Variants in LINGO1 observed in about 807,000 individuals in gnomAD.
LINGO1 encodes leucine rich repeat and Ig domain containing 1, also known as leucine-rich repeat and immunoglobulin-like domain-containing nogo receptor-interacting protein 1.
LINGO1 carries 11 observed loss-of-function variants against 37.3 expected under a neutral mutation model. The ratio of observed to expected loss-of-function variants is 0.29; its 90% confidence interval spans 0.19 to 0.49. The LOEUF (loss-of-function observed/expected upper bound fraction) is 0.49, where lower values mean the gene tolerates loss of function less well. Among genes scored for constraint, LINGO1 ranks in the 20% least tolerant of loss-of-function variants. LINGO1 has a pLI of 0.99. For missense variants in LINGO1, 585 were observed against 878.2 expected (o/e 0.67, Z 4.22); for synonymous variants, 387 against 403.0 (o/e 0.96, Z 0.48).
chr15:77,780,774 C>T (rs908419625), intron 1 of LINGO1, among the ~76,000 whole-genome samples: 2 of 151,616 alleles, frequency 1.3e-5, no homozygotes, highest in Admixed American at 1.3e-4. Flanking sequence ...TGCTCTCCTC[C>T]CCCCACCCCC....
At chr15:77,699,385 G>A (rs1055863275), upstream of LINGO1, among the ~76,000 whole-genome samples, 29 of 67,260 alleles carry the variant, frequency 4.3e-4, no homozygotes, top group African/African-American at 1.6e-3. Context: ...CACACAATAA[G>A]CACATACTAA....
chr15:77,689,383 C>T (rs1464379013), intron 2 of LINGO1, among the ~76,000 whole-genome samples: 2 of 152,224 alleles, frequency 1.3e-5, no homozygotes, highest in Non-Finnish European at 2.9e-5. Context: ...CCTCCCTGCG[C>T]TAAAGGGTAG....
chr15:77,643,373 C>T (rs1480242333), intron 3 of LINGO1, among the ~76,000 whole-genome samples: 12 of 152,142 alleles, frequency 7.9e-5, no homozygotes, highest in Admixed American at 2.0e-4. Context: ...TAGGGAGGTC[C>T]GCAGTGGGAA....
Position 77,661,827 on chromosome 15 carries a change from C to T in LINGO1, c.-13+15262G>A, listed in dbSNP as rs561044117. 3.9e-5 allele frequency among the ~76,000 whole-genome samples: 6 copies of T among 152,346 alleles called. No homozygotes were observed. The South Asian group carries it at 1.2e-3, about 32-fold the overall frequency. On this transcript the variant is annotated intron_variant, in intron 3 of 3. Coordinates refer to the LINGO1 transcript ENST00000559893. ...AGGCCAGCCCTCTACCTTTGCTGGGCCTCAGTTTCCCTGTGTGGACAAGGG... is the reference window on the plus strand; with the variant it reads ...AGGCCAGCCCTCTACCTTTGCTGGGTCTCAGTTTCCCTGTGTGGACAAGGG...
At chr15:77,730,790 C>T (rs775674271) in intron 2 of LINGO1, among the ~76,000 whole-genome samples, 1 of 152,244 alleles carries the variant, frequency 6.6e-6, no homozygotes, top group Non-Finnish European at 1.5e-5. Flanking sequence ...GACTTGCAGG[C>T]AGGTTAGACT....
intron 2 of LINGO1, among the ~76,000 whole-genome samples, chr15:77,727,656 C>T (rs189045211): frequency 1.5e-4 from 23 of 151,430 alleles, no homozygotes; most frequent in Admixed American, 1.4e-3. Flanking sequence ...ATCTGGTGTA[C>T]AGTAAGGGGC....
At chr15:77,697,355 G>A (rs2075709917), upstream of LINGO1, among the ~76,000 whole-genome samples, 1 of 152,168 alleles carries the variant, frequency 6.6e-6, no homozygotes, top group Admixed American at 6.5e-5. Context: ...CCCTGGAATG[G>A]TTCAAAACCC....
chr15:77,694,920 C>G (rs2075664148), intron 1 of LINGO1, among the ~76,000 whole-genome samples: 1 of 152,132 alleles, frequency 6.6e-6, no homozygotes, highest in African/African-American at 2.4e-5. Context: ...TGGGGTCTCC[C>G]CGGGGGGCCT....
chr15:77,698,723 T>C (rs1217341207), upstream of LINGO1, among the ~76,000 whole-genome samples: 1 of 151,548 alleles, frequency 6.6e-6, no homozygotes, highest in Non-Finnish European at 1.5e-5. Flanking sequence ...CTGGAAAGGG[T>C]GAGGGGACAG....
intron 2 of LINGO1, among the ~76,000 whole-genome samples, chr15:77,710,069 A>G (rs1237030313): frequency 6.6e-6 from 1 of 152,238 alleles, no homozygotes; most frequent in African/African-American, 2.4e-5. Context: ...AAGGGAGAAG[A>G]GAGGGTGGCC....
intron 2 of LINGO1, among the ~76,000 whole-genome samples, chr15:77,721,890 A>C (rs1596155449): frequency 1.3e-5 from 2 of 148,944 alleles, no homozygotes; most frequent in African/African-American, 2.5e-5. Flanking sequence ...GCCCCTATCC[A>C]CCCCAACCTC....
intron 2 of LINGO1, among the ~76,000 whole-genome samples, chr15:77,712,630 C>T (rs1217462268): frequency 6.6e-6 from 1 of 152,200 alleles, no homozygotes; most frequent in South Asian, 2.1e-4. Context: ...TCCAACCTGG[C>T]AGTGGCCCCA....
At chr15:77,815,530 T>C (rs2077040489) in intron 1 of LINGO1, among the ~76,000 whole-genome samples, 1 of 152,166 alleles carries the variant, frequency 6.6e-6, no homozygotes, top group Non-Finnish European at 1.5e-5. Flanking sequence ...CAAACAAATG[T>C]GTTCACTTTA....
intron 1 of LINGO1, among the ~76,000 whole-genome samples, chr15:77,617,189 A>G (rs1459996388): frequency 6.6e-6 from 1 of 152,074 alleles, no homozygotes; most frequent in Non-Finnish European, 1.5e-5. Context: ...GGTATGCGGG[A>G]GCCTCCGTGA....
intron 1 of LINGO1, among the ~76,000 whole-genome samples, chr15:77,623,171 T>C (rs28654794): frequency 0.23 from 35,071 of 152,144 alleles, 6,448 homozygotes; most frequent in African/African-American, 0.52. Flanking sequence ...AAGGAGGCTT[T>C]GTGGTGAGGG....
chr15:77,642,383 G>A (rs1259663890), intron 3 of LINGO1, among the ~76,000 whole-genome samples: 1 of 152,264 alleles, frequency 6.6e-6, no homozygotes, highest in African/African-American at 2.4e-5. Flanking sequence ...GCCCCATGGT[G>A]TGGGGAGAGG....
At chr15:77,619,910 G>A (rs569021191) in intron 1 of LINGO1, among the ~76,000 whole-genome samples, 157 of 152,192 alleles carry the variant, frequency 1.0e-3, no homozygotes, top group African/African-American at 3.6e-3. Context: ...TCTTACATGC[G>A]GCTGCCCTAA....
intron 2 of LINGO1, among the ~76,000 whole-genome samples, chr15:77,724,256 C>A (rs952933725): frequency 1.3e-5 from 2 of 152,222 alleles, no homozygotes; most frequent in African/African-American, 4.8e-5. Context: ...ATGACTGAAG[C>A]CTGTCTGCAC....
intron 1 of LINGO1, among the ~76,000 whole-genome samples, chr15:77,737,651 A>G (rs970369546): frequency 2.6e-5 from 4 of 151,854 alleles, no homozygotes; most frequent in African/African-American, 7.2e-5. Flanking sequence ...GGTCCCCCAG[A>G]AACCTCAGTT....
Sources: allele counts gnomAD v4.1 joint callset (sites outside exome capture counted in the v4.1 genomes callset), GRCh38; gene constraint gnomAD v4.1.1; transcripts MANE v1.5; gene names NCBI Gene and HGNC (gene_info 2026-07-23, HGNC 2026-07-21).